Variants in ZFYVE21 observed in about 807,000 individuals in gnomAD.
The protein encoded by ZFYVE21 is zinc finger FYVE domain-containing protein 21.
In ZFYVE21, 21 loss-of-function variants were observed where a neutral mutation model predicts 29.5. The ratio of observed to expected loss-of-function variants is 0.71; its 90% CI spans 0.50 to 1.02. ZFYVE21 has a LOEUF of 1.02. ZFYVE21 is among the 50% of genes least tolerant of loss of function. The pLI is 0.00. For missense variants in ZFYVE21, 326 were observed against 335.4 expected (o/e 0.97, Z 0.22); for synonymous variants, 151 against 133.8 (o/e 1.13, Z -0.89).
chr14:103,727,524 A>G (rs2083939027), intron 2 of ZFYVE21: 1 of 698,724 alleles, frequency 1.4e-6, no homozygotes, highest in South Asian at 1.5e-5. Flanking sequence ...AGCCATTTTG[A>G]TCCATGATTT....
intron 2 of ZFYVE21, 48 bp from the exon 3 acceptor site, chr14:103,727,690 CCGGGGCCG>C (rs1378946556): frequency 3.8e-6 from 6 of 1,589,748 alleles, no homozygotes; most frequent in Non-Finnish European, 5.1e-6. Flanking sequence ...GGGGCCACAC[CCGGGGCCG>C]CTTGTTCCCT....
intron 1 of ZFYVE21, among the ~76,000 whole-genome samples, chr14:103,718,178 G>A (rs2083844194): frequency 6.6e-6 from 1 of 152,200 alleles, no homozygotes; most frequent in Non-Finnish European, 1.5e-5. Context: ...TGGCAGGTGG[G>A]TAACATTGTC....
intron 1 of ZFYVE21, among the ~76,000 whole-genome samples, chr14:103,721,146 G>A (rs989487126): frequency 6.6e-6 from 1 of 152,016 alleles, no homozygotes; most frequent in South Asian, 2.1e-4. Flanking sequence ...TTCATTGCTC[G>A]CGGCCATCTT....
chr14:103,733,648 A>C lies in ZFYVE21; in HGVS notation c.*630A>C, dbSNP rs2151954770. 1 of 152,864 alleles carries C rather than the reference A, an allele frequency of 6.5e-6. No homozygotes were observed. Among genetic ancestry groups the C allele is most frequent in the Non-Finnish European group, 1.5e-5 (1 of 68,110 alleles). 9.5% of individuals were successfully genotyped at this position (152,864 alleles called of 1,614,324 possible). Reference sequence around the variant, plus strand: ...ATTTGTATATAAAGCTTATGATTAAAAACTATTTTGAACATACGGACAAGG... The same window carrying C: ...ATTTGTATATAAAGCTTATGATTAACAACTATTTTGAACATACGGACAAGG... On this transcript the variant is annotated 3_prime_UTR_variant, in exon 7 of 7. Transcript: ENST00000311141.
intron 2 of ZFYVE21, chr14:103,727,374 C>T: frequency 2.9e-6 from 1 of 349,810 alleles, no homozygotes; most frequent in Non-Finnish European, 5.6e-6. Flanking sequence ...CCCGCCCCCT[C>T]TGCCCCCTCC....
At chr14:103,732,898 A>G in intron 6 of ZFYVE21, 85 bp from the exon 7 acceptor site, 1 of 1,606,358 alleles carries the variant, frequency 6.2e-7, no homozygotes, top group Non-Finnish European at 8.5e-7. Flanking sequence ...TGCCCACGCC[A>G]TCTCCCCTGA....
At chr14:103,729,030 G>A (rs777134648) in intron 4 of ZFYVE21, 47 bp downstream of exon 4, 18 of 1,613,384 alleles carry the variant, frequency 1.1e-5, no homozygotes, top group East Asian at 6.7e-5. Context: ...GTCACAGACC[G>A]GGAGCCTCGG....
At chr14:103,726,910 G>A in intron 2 of ZFYVE21, 68 bp downstream of exon 2, 1 of 1,543,944 alleles carries the variant, frequency 6.5e-7, no homozygotes, top group Non-Finnish European at 8.9e-7. Flanking sequence ...AGCTGCCGCT[G>A]CCCCTTCTGG....
chr14:103,718,176 G>A (rs2083844180), intron 1 of ZFYVE21, among the ~76,000 whole-genome samples: 1 of 152,210 alleles, frequency 6.6e-6, no homozygotes, highest in Non-Finnish European at 1.5e-5. Flanking sequence ...CTTGGCAGGT[G>A]GGTAACATTG....
At chr14:103,723,526 TC>T (rs1405185132) in intron 1 of ZFYVE21, among the ~76,000 whole-genome samples, 1 of 152,194 alleles carries the variant, frequency 6.6e-6, no homozygotes, top group Non-Finnish European at 1.5e-5. Context: ...GGTCGTGGGA[TC>T]TCACAAAGCT....
At chr14:103,720,644 G>A (rs114215513) in intron 1 of ZFYVE21, among the ~76,000 whole-genome samples, 3,443 of 152,158 alleles carry the variant, frequency 0.023, 128 homozygotes, top group African/African-American at 0.079. Flanking sequence ...GGTTTCTTGC[G>A]TGCTGCCAAA....
chr14:103,716,539 C>T lies in ZFYVE21; in HGVS notation c.138+560C>T, dbSNP rs3212021. ...CTCCTGCTCGGAAGGAGGGCCAGGA[C>T]CCAGTCTGCGGGCCAGGCTGCCCCC... On this transcript the variant is annotated intron_variant, in intron 1 of 6. Coordinates refer to ENST00000311141, the MANE Select transcript of ZFYVE21 (RefSeq NM_024071.4). This position sits in a 1 kb window ranked among gnomAD's most constrained non-coding sequence, Gnocchi z 4.8. Among the ~76,000 whole-genome samples the T allele has an allele frequency of 1.3e-5, 2 of 152,216 alleles. No homozygotes were observed. Among genetic ancestry groups the T allele is most frequent in the Admixed American group, 1.3e-4 (2 of 15,290 alleles).
intron 3 of ZFYVE21, 43 bp downstream of exon 3, chr14:103,727,957 C>G: frequency 6.4e-7 from 1 of 1,564,404 alleles, no homozygotes; most frequent in Non-Finnish European, 8.7e-7. Flanking sequence ...CTCCGCCAGC[C>G]GGCTCCTCGT....
intron 2 of ZFYVE21, 151 bp from the exon 3 acceptor site, chr14:103,727,595 G>T: frequency 1.0e-6 from 1 of 973,668 alleles, no homozygotes; most frequent in Non-Finnish European, 1.6e-6. Flanking sequence ...GGGAGCCCAG[G>T]GGCTGGCGAC....
intron 3 of ZFYVE21, chr14:103,728,129 T>G: frequency 1.9e-6 from 1 of 514,670 alleles, no homozygotes; most frequent in East Asian, 3.9e-5. Context: ...TGGTGCTGAC[T>G]CCGCTGGGCA....
intron 6 of ZFYVE21, 27 bp from the exon 7 acceptor site, chr14:103,732,956 A>G: frequency 1.2e-6 from 2 of 1,614,102 alleles, no homozygotes; most frequent in African/African-American, 1.3e-5. Flanking sequence ...AGCAGGCCTC[A>G]CTGTGTTGAT....
chr14:103,721,876 G>T (rs1018746023), intron 1 of ZFYVE21, among the ~76,000 whole-genome samples: 1 of 152,228 alleles, frequency 6.6e-6, no homozygotes, highest in Non-Finnish European at 1.5e-5. Context: ...TCCAGCCCAC[G>T]CTGGTGGTGA....
Position 103,733,263 on chromosome 14 carries a change from AG to A in ZFYVE21, c.*246del. On this transcript the variant is annotated 3_prime_UTR_variant, in exon 7 of 7. Transcript: ENST00000311141. ...TTGTCAATACTTAATTGGGGGTGGG[AG>A]AGACTGAGCTACACTACTGCTAAAC... The A allele has an allele frequency of 1.9e-6, 1 of 531,194 alleles. No homozygotes were observed. The highest frequency in any genetic ancestry group is 3.3e-6 in the Non-Finnish European group (1 of 299,458). The allele number at this position is 531,194 out of a possible 1,614,324, so 32.9% of individuals were successfully genotyped here. A position where few individuals can be genotyped will look rare whatever the true frequency, so the allele number is the denominator to read the frequency against.
chr14:103,726,724 G>T, intron 1 of ZFYVE21, 68 bp from the exon 2 acceptor site: 1 of 1,596,202 alleles, frequency 6.3e-7, no homozygotes, highest in Non-Finnish European at 8.6e-7. Context: ...TCAGCAGCCC[G>T]TGGTCGTGCC....
Sources: allele counts gnomAD v4.1 joint callset (sites outside exome capture counted in the v4.1 genomes callset), GRCh38; gene constraint gnomAD v4.1.1; non-coding constraint Gnocchi (gnomAD v3.1); transcripts MANE v1.5; gene names NCBI Gene and HGNC (gene_info 2026-07-23, HGNC 2026-07-21).